PCSK2: variants seen among roughly 807,000 people sequenced by gnomAD.
The protein encoded by PCSK2 is neuroendocrine convertase 2.
A neutral mutation model predicts 69.7 loss-of-function variants in PCSK2; 14 were observed. That is an observed-to-expected ratio of 0.20 (90% CI 0.13 to 0.31). The LOEUF (loss-of-function observed/expected upper bound fraction) is 0.31, where lower values mean the gene tolerates loss of function less well. Among genes scored for constraint, PCSK2 ranks in the 10% least tolerant of loss-of-function variants. The pLI is 1.00. For missense variants in PCSK2, 544 were observed against 842.5 expected (o/e 0.65, Z 4.39); for synonymous variants, 307 against 320.7 (o/e 0.96, Z 0.46).
Position 17,483,212 on chromosome 20 carries a change from A to C in PCSK2, c.*1142A>C, listed in dbSNP as rs947164498. On this transcript the variant is annotated 3_prime_UTR_variant, in exon 12 of 12. Coordinates refer to ENST00000262545, the MANE Select transcript of PCSK2 (RefSeq NM_002594.5). ...GTTTGAAGATGCGAGCGCTATCTTC[A>C]CATAGTTCTCCAGTTGTATGGAGCC... 2 of 152,170 alleles carry C rather than the reference A, an allele frequency of 1.3e-5. No individual in the cohort carries two copies. Among genetic ancestry groups the C allele is most frequent in the African/African-American group, 4.8e-5 (2 of 41,438 alleles). The allele number at this position is 152,170 out of a possible 1,614,324, so 9.4% of individuals were successfully genotyped here. A position where few individuals can be genotyped will look rare whatever the true frequency, so the allele number is the denominator to read the frequency against.
chr20:17,364,492 G>A (rs1001014720), intron 4 of PCSK2, among the ~76,000 whole-genome samples: 3 of 152,194 alleles, frequency 2.0e-5, no homozygotes, highest in African/African-American at 7.2e-5. Context: ...ATGAAACCGT[G>A]TCTTACATGG....
At chr20:17,408,575 C>T (rs2031803329) in intron 5 of PCSK2, among the ~76,000 whole-genome samples, 1 of 152,180 alleles carries the variant, frequency 6.6e-6, no homozygotes, top group Non-Finnish European at 1.5e-5. Context: ...TGTAATGGTA[C>T]ATTTCTTTGT....
intron 8 of PCSK2, among the ~76,000 whole-genome samples, chr20:17,449,427 G>A (rs887025733): frequency 1.2e-4 from 18 of 151,714 alleles, no homozygotes; most frequent in Non-Finnish European, 2.4e-4. Flanking sequence ...GACCTGCCAA[G>A]TGTGGCAATA....
chr20:17,445,384 T>C (rs1234061876), intron 8 of PCSK2, among the ~76,000 whole-genome samples: 2 of 152,104 alleles, frequency 1.3e-5, no homozygotes, highest in African/African-American at 4.8e-5. Context: ...CTCTTCAGAG[T>C]TGCTGCTGGA....
chr20:17,316,442 T>A (rs113339216), intron 2 of PCSK2, among the ~76,000 whole-genome samples: 278 of 152,348 alleles, frequency 1.8e-3, no homozygotes, highest in African/African-American at 6.3e-3. Flanking sequence ...TTTCTTCAGA[T>A]AACAAGCTTG....
At chr20:17,316,823 T>G (rs1471150678) in intron 2 of PCSK2, among the ~76,000 whole-genome samples, 1 of 152,160 alleles carries the variant, frequency 6.6e-6, no homozygotes, top group Non-Finnish European at 1.5e-5. Context: ...ACCAGGAGAT[T>G]TCCTGTGGCA....
At chr20:17,468,761 A>C (rs1452530006) in intron 11 of PCSK2, among the ~76,000 whole-genome samples, 1 of 151,370 alleles carries the variant, frequency 6.6e-6, no homozygotes, top group Non-Finnish European at 1.5e-5. Context: ...ATAGGTCAGC[A>C]TCCTCCCACA....
chr20:17,382,526 C>T lies in PCSK2; in HGVS notation c.543+13249C>T, dbSNP rs969842727. Among the ~76,000 whole-genome samples, 5 of 152,244 alleles carry T rather than the reference C, an allele frequency of 3.3e-5. No homozygotes were observed. In the South Asian group the frequency reaches 6.2e-4, roughly 19 times the overall value. On this transcript the variant is annotated intron_variant, in intron 5 of 11. Transcript: ENST00000262545. ...TGGTCACAATGACTAAGGTGCTAAACGTTACCATCCTTGACTGCTGCTCCC... is the reference window on the plus strand; with the variant it reads ...TGGTCACAATGACTAAGGTGCTAAATGTTACCATCCTTGACTGCTGCTCCC...
intron 1 of PCSK2, among the ~76,000 whole-genome samples, chr20:17,250,706 T>C (rs1600410434): frequency 6.6e-6 from 1 of 152,124 alleles, no homozygotes; most frequent in Admixed American, 6.5e-5. Flanking sequence ...AATTTCTTAT[T>C]TTAAAAAAAC....
At chr20:17,409,945 A>T (rs965274748) in intron 6 of PCSK2, among the ~76,000 whole-genome samples, 42 of 152,232 alleles carry the variant, frequency 2.8e-4, no homozygotes, top group African/African-American at 1.0e-3. Flanking sequence ...ATTTTTCTTA[A>T]ATGGTTAATT....
At chr20:17,334,145 T>C (rs932966419) in intron 2 of PCSK2, among the ~76,000 whole-genome samples, 1 of 151,704 alleles carries the variant, frequency 6.6e-6, no homozygotes, top group African/African-American at 2.4e-5. Flanking sequence ...AGATTGGGGA[T>C]CTGAAAGAGC....
intron 8 of PCSK2, among the ~76,000 whole-genome samples, chr20:17,437,989 C>G (rs1176898017): frequency 6.7e-6 from 1 of 149,696 alleles, no homozygotes; most frequent in African/African-American, 2.5e-5. Flanking sequence ...AGCAGTTCCC[C>G]CCCACCCACA....
intron 2 of PCSK2, among the ~76,000 whole-genome samples, chr20:17,350,930 C>T (rs1158052327): frequency 6.6e-6 from 1 of 151,604 alleles, no homozygotes; most frequent in Non-Finnish European, 1.5e-5. Flanking sequence ...GTCCCAGCTA[C>T]TCGGGAGGCT....
chr20:17,292,877 T>A (rs955694824), intron 2 of PCSK2, among the ~76,000 whole-genome samples: 2 of 152,070 alleles, frequency 1.3e-5, no homozygotes, highest in East Asian at 3.9e-4. Context: ...CAGGCTGGAG[T>A]GCAGTGGTGC....
At chr20:17,272,015 G>A (rs1012838328) in intron 2 of PCSK2, among the ~76,000 whole-genome samples, 5 of 152,112 alleles carry the variant, frequency 3.3e-5, no homozygotes, top group African/African-American at 1.2e-4. Flanking sequence ...CTTCCTTGTA[G>A]CGTTGGTTCA....
intron 2 of PCSK2, among the ~76,000 whole-genome samples, chr20:17,294,596 T>A (rs938081693): frequency 2.6e-5 from 4 of 152,204 alleles, no homozygotes; most frequent in Non-Finnish European, 5.9e-5. Flanking sequence ...ATATATCACA[T>A]GTTCTCTTAG....
chr20:17,292,650 G>A (rs923864965), intron 2 of PCSK2, among the ~76,000 whole-genome samples: 2 of 152,104 alleles, frequency 1.3e-5, no homozygotes, highest in African/African-American at 2.4e-5. Flanking sequence ...ACAATGTTGG[G>A]TCATACCCTT....
chr20:17,286,659 C>T (rs879541470), intron 2 of PCSK2, among the ~76,000 whole-genome samples: 4 of 152,136 alleles, frequency 2.6e-5, no homozygotes, highest in African/African-American at 7.2e-5. Context: ...TTTTGGTAGA[C>T]GTTTATATAT....
intron 11 of PCSK2, among the ~76,000 whole-genome samples, chr20:17,479,995 A>G (rs1002435356): frequency 6.6e-6 from 1 of 151,534 alleles, no homozygotes. Context: ...CCTTCTTTCT[A>G]CTGCAAGAAC....
Sources: allele counts gnomAD v4.1 joint callset (sites outside exome capture counted in the v4.1 genomes callset), GRCh38; gene constraint gnomAD v4.1.1; transcripts MANE v1.5; gene names NCBI Gene and HGNC (gene_info 2026-07-23, HGNC 2026-07-21).